Variants in ZNF568 observed in about 807,000 individuals in gnomAD.
ZNF568 encodes p53 inhibitor of SCO2 activation.
A neutral mutation model predicts 18.1 loss-of-function variants in ZNF568; 11 were observed. That is an observed-to-expected ratio of 0.61 (90% CI 0.38 to 1.00). ZNF568 has a LOEUF of 1.00. ZNF568 is among the 50% of genes least tolerant of loss of function. The pLI is 0.01. For missense variants in ZNF568, 639 were observed against 768.2 expected (o/e 0.83, Z 1.99); for synonymous variants, 213 against 246.6 (o/e 0.86, Z 1.28).
At chr19:36,974,404 C>G in intron 6 of ZNF568, 1 of 1,535,834 alleles carries the variant, frequency 6.5e-7, no homozygotes, top group Non-Finnish European at 8.7e-7. Context: ...AACGTTTTTC[C>G]ACATCTTTCT....
chr19:36,958,384 T>TCTG (rs1464188332), intron 6 of ZNF568, among the ~76,000 whole-genome samples: 1 of 151,992 alleles, frequency 6.6e-6, no homozygotes, highest in East Asian at 1.9e-4. Context: ...AGTAAACCCA[T>TCTG]CTGGGCCTGA....
intron 6 of ZNF568, among the ~76,000 whole-genome samples, chr19:36,944,256 G>C (rs1378794832): frequency 6.6e-6 from 1 of 151,830 alleles, no homozygotes; most frequent in Non-Finnish European, 1.5e-5. Context: ...AAATTAGTTG[G>C]GCGTGGTGGT....
intron 4 of ZNF568, among the ~76,000 whole-genome samples, chr19:36,932,149 C>A (rs144344569): frequency 6.6e-6 from 1 of 151,998 alleles, no homozygotes; most frequent in Admixed American, 6.6e-5. Context: ...ATTCATTTCC[C>A]CTTTTAGGCT....
At chr19:36,928,007 C>T (rs1485747833) in intron 4 of ZNF568, among the ~76,000 whole-genome samples, 39 of 144,178 alleles carry the variant, frequency 2.7e-4, no homozygotes, top group African/African-American at 7.7e-4. Context: ...CTCCACCTCC[C>T]GGGTTTAAGT....
chr19:36,934,541 T>G (rs1360977796), intron 4 of ZNF568, among the ~76,000 whole-genome samples: 1 of 152,130 alleles, frequency 6.6e-6, no homozygotes, highest in Non-Finnish European at 1.5e-5. Context: ...AGGCTGGTCT[T>G]GAACTCCTGG....
downstream of ZNF568, chr19:36,997,720 A>C: frequency 1.3e-6 from 1 of 774,224 alleles, no homozygotes; most frequent in Non-Finnish European, 2.1e-6. Flanking sequence ...GAGTGAATGA[A>C]GAAATGAGGG....
At chr19:36,997,784 A>AC, downstream of ZNF568, 1 of 597,656 alleles carries the variant, frequency 1.7e-6, no homozygotes, top group Non-Finnish European at 2.9e-6. Flanking sequence ...GGAAAAAAAA[A>AC]CTTATGATTC....
chr19:36,941,120 G>T (rs1286931676), intron 6 of ZNF568, among the ~76,000 whole-genome samples: 1 of 152,112 alleles, frequency 6.6e-6, no homozygotes, highest in East Asian at 1.9e-4. Context: ...TGGCAGCAAG[G>T]TTACAATGGT....
downstream of ZNF568, among the ~76,000 whole-genome samples, chr19:36,983,675 T>C (rs1220555352): frequency 6.6e-6 from 1 of 152,144 alleles, no homozygotes; most frequent in Non-Finnish European, 1.5e-5. Flanking sequence ...TAGTGTTTTG[T>C]TAAAATCTGC....
chr19:36,996,674 T>TGATTAAGCATCAGACGC lies in ZNF568; in HGVS notation c.588_604dup (p.Leu202ArgfsTer139). 3.3e-6 allele frequency: 5 copies of TGATTAAGCATCAGACGC among 1,535,512 alleles called. No individual in the cohort carries two copies. Among genetic ancestry groups the TGATTAAGCATCAGACGC allele is most frequent in the Non-Finnish European group, 4.4e-6 (5 of 1,146,764 alleles). ...AAAATCTTTAATAGTGGATCAGACT[T>TGATTAAGCATCAGACGC]GATTAAGCATCAGACGCTTCATGAA... is the stretch of plus-strand genomic sequence containing the variant. On this transcript the variant is annotated frameshift_variant, in exon 5 of 5. Transcript: ENST00000433993. LOFTEE classifies it low-confidence loss of function (END_TRUNC).
Position 36,949,768 on chromosome 19 carries a change from T to C in ZNF568, c.615T>C (p.Asn205=). Reference sequence around the variant, plus strand: ...GCTGTGTAAGAGAGAAACAGAGTAATGAGTTTGGGAAACCATTTTACCATT... The same window carrying C: ...GCTGTGTAAGAGAGAAACAGAGTAACGAGTTTGGGAAACCATTTTACCATT... ...EKGCVREKQS[N]EFGKPFYHCA... is the part of the protein sequence containing the mutation. Residue 205 remains asparagine, a synonymous_variant, in exon 7 of 7, where the codon AAT becomes AAC. Transcript: ENST00000333987. The C allele has an allele frequency of 1.9e-6, 3 of 1,613,984 alleles. No homozygotes were observed.
At chr19:36,994,180 G>C (rs1568410814) in intron 4 of ZNF568, among the ~76,000 whole-genome samples, 1 of 151,726 alleles carries the variant, frequency 6.6e-6, no homozygotes, top group Non-Finnish European at 1.5e-5. Context: ...GGTTATTTAG[G>C]AGTATGTTAT....
chr19:36,990,957 G>A (rs981084876), intron 2 of ZNF568: 2 of 464,542 alleles, frequency 4.3e-6, no homozygotes, highest in Non-Finnish European at 7.7e-6. Context: ...GAAGTGCCCA[G>A]AGGCTACCTT....
At position 36,945,210 on chromosome 19, in the gene ZNF568, AGTGTGTGT is replaced by A. The variant is rs10616521; in HGVS notation, c.359-4267_359-4260del. Among the ~76,000 whole-genome samples the A allele has an allele frequency of 8.8e-3, 1,244 of 141,894 alleles. 12 individuals carry two copies. The highest frequency in any genetic ancestry group is 0.012 in the Non-Finnish European group (775 of 65,728). The allele number at this position is 141,894 out of a possible 152,430, so 93.1% of individuals were successfully genotyped here. A position where few individuals can be genotyped will look rare whatever the true frequency, so the allele number is the denominator to read the frequency against. The stretch of plus-strand genomic sequence containing the variant: ...GGATGGGAAGAGAGACAGAGAGAGA[AGTGTGTGT>A]GTGTGTGTGTGTGTGTGTGTGTGTG... On this transcript the variant is annotated intron_variant, in intron 6 of 6. Transcript: ENST00000333987.
At position 36,937,126 on chromosome 19, in the gene ZNF568, C is replaced by A. The variant is rs1328702270; in HGVS notation, c.263-21C>A. 1.9e-6 allele frequency: 3 copies of A among 1,609,676 alleles called. No homozygotes were observed. In the African/African-American group the frequency reaches 4.0e-5, roughly 22 times the overall value. On this transcript the variant is annotated intron_variant, in intron 5 of 6. Coordinates refer to ENST00000333987, the MANE Select transcript of ZNF568 (RefSeq NM_198539.4). ...TGTCTCCAGCATTGACATCCACATC[C>A]TTTGCTATTTCTTGTAATAGGCTGT...
Position 36,936,786 on chromosome 19 carries a change from A to G in ZNF568, c.176A>G (p.Gln59Arg). 3 of 1,613,980 alleles carry G rather than the reference A, an allele frequency of 1.9e-6. No homozygotes were observed. Among genetic ancestry groups the G allele is most frequent in the Non-Finnish European group, 2.5e-6 (3 of 1,179,880 alleles). ...TFKDVAVDLT[Q>R]EEWEQMKPAQ... is the part of the protein sequence containing the mutation. ...AAGGATGTGGCTGTTGACCTTACCC[A>G]GGAGGAGTGGGAGCAAATGAAACCT... Residue 59 changes from glutamine (Q) to arginine (R), a missense_variant, in exon 5 of 7, where the codon CAG (glutamine) becomes CGG (arginine). Transcript: ENST00000333987.
At chr19:36,969,674 G>C (rs1667330) in intron 6 of ZNF568, among the ~76,000 whole-genome samples, 85,545 of 151,196 alleles carry the variant, frequency 0.57, 24,978 homozygotes, top group African/African-American at 0.69. Flanking sequence ...GCACATCCCC[G>C]CTTTCGTTGT....
chr19:36,960,633 C>T (rs1452931332), intron 6 of ZNF568, among the ~76,000 whole-genome samples: 2 of 151,458 alleles, frequency 1.3e-5, no homozygotes, highest in East Asian at 3.9e-4. Flanking sequence ...GAGGCTGAGG[C>T]AGGAGAATCA....
In ZNF568 at chr19:36,952,286, A is replaced by G. The variant is rs1480163761; in HGVS notation, c.*1198A>G. On this transcript the variant is annotated 3_prime_UTR_variant, in exon 7 of 7. Transcript: ENST00000333987. ...AGCAAGACCCCATCTCTTAAAAAAA[A>G]AGAAATATATAGACATATATCTGCA... is the stretch of plus-strand genomic sequence containing the variant. 1 of 154,850 alleles carries G rather than the reference A, an allele frequency of 6.5e-6. No individual in the cohort carries two copies. Among genetic ancestry groups the G allele is most frequent in the African/African-American group, 2.4e-5 (1 of 41,460 alleles). The allele number at this position is 154,850 out of a possible 1,614,324, so 9.6% of individuals were successfully genotyped here.
Sources: gnomAD v4.1 joint callset for allele counts (sites outside exome capture counted in the v4.1 genomes callset) on GRCh38, gnomAD v4.1.1 for gene constraint, MANE v1.5 for transcripts, NCBI Gene and HGNC (gene_info 2026-07-23, HGNC 2026-07-21) for gene names.